The following LGR5 variants were observed in gnomAD, a reference collection of about 807,000 sequenced individuals.
The protein encoded by LGR5 is leucine rich repeat containing G protein-coupled receptor 5.
Under a neutral mutation model 76.7 loss-of-function variants are expected in LGR5, and 54 were observed. That is an observed-to-expected ratio of 0.70 (90% CI 0.57 to 0.88). The LOEUF (loss-of-function observed/expected upper bound fraction) is 0.88, where lower values mean the gene tolerates loss of function less well. LGR5 is among the 40% of genes least tolerant of loss of function. The probability of loss-of-function intolerance (pLI) is 0.00; values close to 1 mark genes in which losing one functional copy is unlikely to be tolerated. For synonymous variants in LGR5, 406 were observed against 421.9 expected (o/e 0.96, Z 0.46); for missense variants, 1,078 against 1,073.3 (o/e 1.00, Z -0.06).
At chr12:71,530,997 A>G (rs558134088) in intron 3 of LGR5, among the ~76,000 whole-genome samples, 172 of 8,380 alleles carry the variant, frequency 0.021, 1 homozygote, top group African/African-American at 0.063. Context: ...TCCTGTTGGG[A>G]AAAAAAAAAA....
chr12:71,535,373 T>C (rs1344204293), intron 4 of LGR5, among the ~76,000 whole-genome samples, 187 bp downstream of exon 4: 1 of 152,168 alleles, frequency 6.6e-6, no homozygotes, highest in African/African-American at 2.4e-5. Context: ...GGAACCAGTG[T>C]TGGAGTTTGG....
intron 1 of LGR5, among the ~76,000 whole-genome samples, chr12:71,447,821 C>T (rs756603298): frequency 3.3e-5 from 5 of 152,184 alleles, no homozygotes; most frequent in Admixed American, 6.5e-5. Flanking sequence ...ACCTTCAGTT[C>T]GGTTCAGAAA....
chr12:71,522,971 T>C (rs1449337407), intron 2 of LGR5, among the ~76,000 whole-genome samples: 2 of 152,220 alleles, frequency 1.3e-5, no homozygotes, highest in Non-Finnish European at 2.9e-5. Flanking sequence ...CCTAGGACCT[T>C]CTTATGTTGC....
intron 1 of LGR5, among the ~76,000 whole-genome samples, chr12:71,444,260 C>G (rs1026678987): frequency 6.6e-6 from 1 of 152,054 alleles, no homozygotes; most frequent in Non-Finnish European, 1.5e-5. Context: ...ACAGTTTGCT[C>G]TAAAATGTAC....
At chr12:71,535,630 T>C (rs1876546997) in intron 4 of LGR5, among the ~76,000 whole-genome samples, 1 of 152,190 alleles carries the variant, frequency 6.6e-6, no homozygotes. Flanking sequence ...GGCTTACTAT[T>C]TTAGTACTGC....
In LGR5 at chr12:71,483,182, C is replaced by A. The variant is rs1001164624; in HGVS notation, c.213-21432C>A. 2.6e-5 allele frequency among the ~76,000 whole-genome samples: 4 copies of A among 152,068 alleles called. No homozygotes were observed. The East Asian group carries it at 5.8e-4, about 22-fold the overall frequency. On this transcript the variant is annotated intron_variant, in intron 1 of 17. Coordinates refer to ENST00000266674, the MANE Select transcript of LGR5 (RefSeq NM_003667.4). ...GATTGCAAAGAGGGAAAGACTGAGG[C>A]GAAGAAGTCCACTAAGATCCCACTG...
chr12:71,577,866 T>C, intron 13 of LGR5, 59 bp from the exon 14 acceptor site: 2 of 1,168,212 alleles, frequency 1.7e-6, no homozygotes, highest in Non-Finnish European at 1.3e-6. Flanking sequence ...ATGCATATGA[T>C]AAAACTTCAC....
intron 15 of LGR5, 63 bp downstream of exon 15, chr12:71,578,992 T>C: frequency 2.8e-6 from 4 of 1,439,658 alleles, no homozygotes; most frequent in South Asian, 2.8e-5. Flanking sequence ...AGATGTATTA[T>C]AGTGGTGTTC....
At chr12:71,441,850 C>T (rs1346294096) in intron 1 of LGR5, 1 of 152,206 alleles carries the variant, frequency 6.6e-6, no homozygotes. Flanking sequence ...TGATCACGCT[C>T]TCAGAATTCA....
chr12:71,571,271 G>T, intron 11 of LGR5: 1 of 329,024 alleles, frequency 3.0e-6, no homozygotes. Flanking sequence ...AAATATAAAT[G>T]AATTCATTAA....
At chr12:71,567,285 A>C in intron 11 of LGR5, 2 of 236,392 alleles carry the variant, frequency 8.5e-6, no homozygotes, top group Admixed American at 5.0e-5. Context: ...TCAAAAACTG[A>C]GATCTCAGAT....
chr12:71,499,678 G>T (rs531887872), intron 1 of LGR5, among the ~76,000 whole-genome samples: 73 of 152,242 alleles, frequency 4.8e-4, no homozygotes, highest in African/African-American at 1.8e-3. Flanking sequence ...CTAAACTCTA[G>T]ATCGAGCTCT....
At chr12:71,558,143 G>C (rs994403262) in intron 6 of LGR5, among the ~76,000 whole-genome samples, 5 of 152,180 alleles carry the variant, frequency 3.3e-5, no homozygotes, top group African/African-American at 9.7e-5. Flanking sequence ...TAATGGCATA[G>C]ACAAGCAGTT....
intron 1 of LGR5, among the ~76,000 whole-genome samples, chr12:71,453,663 C>CGAAA (rs1429309786): frequency 6.6e-6 from 1 of 151,272 alleles, no homozygotes; most frequent in Non-Finnish European, 1.5e-5. Flanking sequence ...GCCAAAAATA[C>CGAAA]ATTCAGGAAA....
intron 1 of LGR5, among the ~76,000 whole-genome samples, chr12:71,471,093 T>A (rs544339943): frequency 6.6e-6 from 1 of 152,358 alleles, no homozygotes; most frequent in Non-Finnish European, 1.5e-5. Flanking sequence ...AAATGTTTAA[T>A]GAATTAACAA....
At chr12:71,515,227 T>C (rs1015686580) in intron 2 of LGR5, among the ~76,000 whole-genome samples, 2 of 152,228 alleles carry the variant, frequency 1.3e-5, no homozygotes, top group Admixed American at 6.5e-5. Context: ...GCCAAACCTA[T>C]AAATGTAGTT....
At chr12:71,498,974 G>T (rs1874465767) in intron 1 of LGR5, among the ~76,000 whole-genome samples, 1 of 152,214 alleles carries the variant, frequency 6.6e-6, no homozygotes, top group African/African-American at 2.4e-5. Flanking sequence ...CAACAGCAAA[G>T]CACAGAATTG....
chr12:71,534,733 CT>C (rs1425966998), intron 3 of LGR5, among the ~76,000 whole-genome samples: 1 of 152,164 alleles, frequency 6.6e-6, no homozygotes, highest in Non-Finnish European at 1.5e-5. Flanking sequence ...TGTACTTACT[CT>C]TCTCTTTTCC....
chr12:71,540,223 A>G (rs1333039534), intron 4 of LGR5, among the ~76,000 whole-genome samples: 1 of 152,220 alleles, frequency 6.6e-6, no homozygotes, highest in Non-Finnish European at 1.5e-5. Flanking sequence ...TCACTAGTGA[A>G]GTTCAAGATG....
Sources: gnomAD v4.1 joint callset for allele counts (sites outside exome capture counted in the v4.1 genomes callset) on GRCh38, gnomAD v4.1.1 for gene constraint, MANE v1.5 for transcripts, NCBI Gene and HGNC (gene_info 2026-07-23, HGNC 2026-07-21) for gene names.